ADK: variants seen among roughly 807,000 people sequenced by gnomAD.
The protein encoded by ADK is N6,N6-dimethyladenosine kinase.
ADK carries 24 observed loss-of-function variants against 44.7 expected under a neutral mutation model. The observed-to-expected ratio is 0.54, with a 90% CI of 0.39 to 0.76. The LOEUF (loss-of-function observed/expected upper bound fraction) is 0.76, where lower values mean the gene tolerates loss of function less well. ADK is among the 30% of genes least tolerant of loss of function. The probability of loss-of-function intolerance (pLI) is 0.00; values close to 1 mark genes in which losing one functional copy is unlikely to be tolerated. For missense variants in ADK, 321 were observed against 425.1 expected, an observed-to-expected ratio of 0.76 and a Z score of 2.15; for synonymous variants, 128 against 142.6, an observed-to-expected ratio of 0.90 and a Z score of 0.73.
intron 9 of ADK, among the ~76,000 whole-genome samples, chr10:74,631,233 CGTGTGT>C (rs142037822): frequency 6.8e-6 from 1 of 147,560 alleles, no homozygotes; most frequent in Non-Finnish European, 1.5e-5. Flanking sequence ...AACCTGTGTG[CGTGTGT>C]GTGTGTGTGT....
chr10:74,391,472 T>A (rs538828859), intron 4 of ADK, among the ~76,000 whole-genome samples: 15 of 152,142 alleles, frequency 9.9e-5, no homozygotes, highest in African/African-American at 3.6e-4. Flanking sequence ...CTTTCTGTGT[T>A]TCTTTTTATA....
intron 6 of ADK, among the ~76,000 whole-genome samples, chr10:74,513,644 G>A (rs2133540025): frequency 6.6e-6 from 1 of 152,220 alleles, no homozygotes; most frequent in Non-Finnish European, 1.5e-5. Context: ...GTTTCTTGTA[G>A]ATAGCATATA....
At chr10:74,317,780 T>TG (rs2131813108) in intron 4 of ADK, among the ~76,000 whole-genome samples, 1 of 152,198 alleles carries the variant, frequency 6.6e-6, no homozygotes, top group South Asian at 2.1e-4. Flanking sequence ...TTTCTGGTTT[T>TG]TTTGTTTGTT....
chr10:74,171,992 T>G (rs1022089945), intron 1 of ADK, among the ~76,000 whole-genome samples: 1 of 152,174 alleles, frequency 6.6e-6, no homozygotes, highest in African/African-American at 2.4e-5. Flanking sequence ...AAAGATCACA[T>G]GAGTCCTCTT....
At chr10:74,540,365 G>T (rs1849585468) in intron 7 of ADK, among the ~76,000 whole-genome samples, 9 of 151,712 alleles carry the variant, frequency 5.9e-5, no homozygotes, top group Admixed American at 5.9e-4. Flanking sequence ...CTATAAATTT[G>T]TAAGTGATTA....
chr10:74,566,854 A>T (rs1850687640), intron 7 of ADK, among the ~76,000 whole-genome samples: 1 of 152,250 alleles, frequency 6.6e-6, no homozygotes, highest in African/African-American at 2.4e-5. Flanking sequence ...ATAGAAAGAT[A>T]GCAGTAGAAA....
chr10:74,293,192 A>T (rs1289059906), intron 3 of ADK, among the ~76,000 whole-genome samples: 1 of 145,716 alleles, frequency 6.9e-6, no homozygotes, highest in Non-Finnish European at 1.5e-5. Flanking sequence ...AAAAAAAAAA[A>T]AGGAAATATT....
intron 4 of ADK, among the ~76,000 whole-genome samples, chr10:74,379,279 C>T (rs1472537088): frequency 1.3e-5 from 2 of 151,990 alleles, no homozygotes; most frequent in Admixed American, 6.5e-5. Context: ...TGGGTGGTAG[C>T]GTGGAGTTAA....
At chr10:74,430,299 T>A (rs980902179) in intron 6 of ADK, among the ~76,000 whole-genome samples, 4 of 152,242 alleles carry the variant, frequency 2.6e-5, no homozygotes, top group Admixed American at 2.0e-4. Flanking sequence ...ATATTGACAC[T>A]GATATAGTCA....
At position 74,176,891 on chromosome 10, in the gene ADK, C is replaced by G. The variant is rs538550931; in HGVS notation, c.66-23873C>G. 8 of 1,610,196 alleles carry G rather than the reference C, an allele frequency of 5.0e-6. No individual in the cohort carries two copies. In the Middle Eastern group the frequency reaches 1.3e-3, roughly 266 times the overall value. ...CGAAGCCATGACGTCAGTCAGGTAA[C>G]GAGCGGGCGGCTGCCTTGACTGCTC... On this transcript the variant is annotated intron_variant, in intron 1 of 10. Coordinates refer to ENST00000539909, the MANE Select transcript of ADK (RefSeq NM_006721.4).
At chr10:74,547,164 T>C (rs1849850346) in intron 7 of ADK, among the ~76,000 whole-genome samples, 1 of 152,118 alleles carries the variant, frequency 6.6e-6, no homozygotes, top group African/African-American at 2.4e-5. Flanking sequence ...TTTTTCTCTC[T>C]TTCTGTCTCT....
At chr10:74,183,028 C>T (rs989935765) in intron 1 of ADK, among the ~76,000 whole-genome samples, 6 of 152,068 alleles carry the variant, frequency 3.9e-5, no homozygotes, top group Non-Finnish European at 7.4e-5. Flanking sequence ...GATCCTACCA[C>T]CTCAGCCTCC....
chr10:74,664,836 C>T (rs1854888541), intron 9 of ADK, among the ~76,000 whole-genome samples: 1 of 151,962 alleles, frequency 6.6e-6, no homozygotes, highest in African/African-American at 2.4e-5. Context: ...AGCGAAACTC[C>T]ATCTCAAAGA....
Position 74,402,530 on chromosome 10 carries a change from C to T in ADK, c.555+3951C>T, listed in dbSNP as rs990143150. Among the ~76,000 whole-genome samples the T allele has an allele frequency of 2.4e-4, 36 of 152,160 alleles. 1 individual carries two copies. The highest frequency in any genetic ancestry group is 6.8e-3 in the Middle Eastern group (2 of 294). ...ACTGATACCCTTTCTTCCACTTGAT[C>T]GAATCAGCTACTGAAGCTTGTGCAT... On this transcript the variant is annotated intron_variant, in intron 6 of 10. Transcript: ENST00000539909.
chr10:74,239,774 GA>G (rs1463264200), intron 3 of ADK, among the ~76,000 whole-genome samples: 2 of 146,180 alleles, frequency 1.4e-5, no homozygotes, highest in Admixed American at 6.8e-5. Flanking sequence ...ATAATCTCTG[GA>G]AAAAACAAAA....
In ADK at chr10:74,351,654, T is replaced by C. The variant is rs187686757; in HGVS notation, c.273+36909T>C. Among the ~76,000 whole-genome samples the C allele has an allele frequency of 1.6e-3, 249 of 152,314 alleles. 1 individual carries two copies. Among genetic ancestry groups the C allele is most frequent in the South Asian group, 7.9e-3 (38 of 4,826 alleles). On this transcript the variant is annotated intron_variant, in intron 4 of 10. Coordinates refer to ENST00000539909, the MANE Select transcript of ADK (RefSeq NM_006721.4). ...TCTCTGTTTGCAGATGACATGATTG[T>C]ATATTTAGAAAACCCCATCGTCTCA...
rs373721303 is a variant in ADK, at chr10:74,200,858, T to C, written c.140+20T>C. On this transcript the variant is annotated intron_variant, in intron 2 of 10. Coordinates refer to ENST00000539909, the MANE Select transcript of ADK (RefSeq NM_006721.4). ...TGATAAGTAAGTATTAAACTCTTCA[T>C]ATGCACTATGTGGAACTTACATTTG... 39 of 1,457,382 alleles carry C rather than the reference T, an allele frequency of 2.7e-5. No homozygotes were observed. The highest frequency in any genetic ancestry group is 5.0e-5 in the Admixed American group (3 of 59,600). 90.3% of individuals were successfully genotyped at this position (1,457,382 alleles called of 1,614,324 possible).
intron 6 of ADK, among the ~76,000 whole-genome samples, chr10:74,482,146 T>C (rs1281269251): frequency 1.3e-5 from 2 of 152,162 alleles, no homozygotes; most frequent in Admixed American, 6.6e-5. Flanking sequence ...ACTGGGTAAT[T>C]TATAAAGAAA....
chr10:74,542,128 C>G (rs766193733), intron 7 of ADK, among the ~76,000 whole-genome samples: 1 of 152,004 alleles, frequency 6.6e-6, no homozygotes, highest in Non-Finnish European at 1.5e-5. Context: ...GTAGTCCCAG[C>G]TACTTGGGAG....
Sources: gnomAD v4.1 joint callset for allele counts (sites outside exome capture counted in the v4.1 genomes callset) on GRCh38, gnomAD v4.1.1 for gene constraint, MANE v1.5 for transcripts, NCBI Gene and HGNC (gene_info 2026-07-23, HGNC 2026-07-21) for gene names.